P2RY14: variants seen among roughly 807,000 people sequenced by gnomAD.
The protein encoded by P2RY14 is P2Y purinoceptor 14.
P2RY14 carries 2 observed loss-of-function variants against 0.9 expected under a neutral mutation model. The ratio of observed to expected loss-of-function variants is 2.16; its 90% confidence interval spans 0.88 to 6.79. P2RY14 has a LOEUF of 6.79. P2RY14 is among the 30% of genes most tolerant of loss of function. The pLI is 0.05. For missense variants in P2RY14, 378 were observed against 400.1 expected (o/e 0.94, Z 0.47); for synonymous variants, 158 against 147.2 (o/e 1.07, Z -0.53).
chr3:151,221,233 A>T (rs943933723), intron 1 of P2RY14, among the ~76,000 whole-genome samples: 1 of 152,184 alleles, frequency 6.6e-6, no homozygotes, highest in Non-Finnish European at 1.5e-5. Context: ...GTGCTGTTAA[A>T]AGCATTCAGT....
At chr3:151,246,738 A>G (rs1241287072) in intron 1 of P2RY14, among the ~76,000 whole-genome samples, 1 of 152,252 alleles carries the variant, frequency 6.6e-6, no homozygotes, top group Non-Finnish European at 1.5e-5. Context: ...AAACACCAAA[A>G]GCAATGGCCA....
chr3:151,226,969 C>T (rs749461376), intron 1 of P2RY14, among the ~76,000 whole-genome samples: 74 of 152,318 alleles, frequency 4.9e-4, no homozygotes, highest in Admixed American at 7.8e-4. Context: ...GGATGCCACA[C>T]GCAGATCCCC....
At chr3:151,243,475 G>A (rs1394398421) in intron 1 of P2RY14, among the ~76,000 whole-genome samples, 3 of 152,146 alleles carry the variant, frequency 2.0e-5, no homozygotes, top group Non-Finnish European at 2.9e-5. Flanking sequence ...CATTCTTAAA[G>A]ACAAGAATTT....
Position 151,213,362 on chromosome 3 carries a change from C to T in P2RY14, c.955G>A (p.Asp319Asn). The change falls in exon 3 of 3, where the codon GAC becomes AAC. Residue 319 changes from aspartate to asparagine, a missense_variant. By Grantham distance (23) the Asp-to-Asn change is conservative. Transcript: ENST00000309170. ...KLHIPLKAQN[D>N]LDISRIKRGN... is the part of the protein sequence containing the mutation. The stretch of plus-strand genomic sequence containing the variant: ...CTTTTGATTCTGGAAATGTCTAGGT[C>T]ATTCTGAGCTTTTAATGGAATGTGC... 6.2e-7 allele frequency: 1 copy of T among 1,613,774 alleles called. No individual in the cohort carries two copies. Among genetic ancestry groups the T allele is most frequent in the Non-Finnish European group, 8.5e-7 (1 of 1,179,894 alleles).
chr3:151,256,125 G>T (rs190227379), intron 1 of P2RY14, among the ~76,000 whole-genome samples: 98 of 152,314 alleles, frequency 6.4e-4, no homozygotes, highest in Middle Eastern at 3.4e-3. Context: ...GTTATGGAAA[G>T]AGCCAAATTT....
chr3:151,233,125 C>A (rs547237414), intron 1 of P2RY14, among the ~76,000 whole-genome samples: 1 of 152,184 alleles, frequency 6.6e-6, no homozygotes, highest in African/African-American at 2.4e-5. Flanking sequence ...CTTTCCCCTC[C>A]TCCCCTGAAC....
intron 1 of P2RY14, among the ~76,000 whole-genome samples, chr3:151,248,018 A>G (rs1267606412): frequency 1.6e-5 from 2 of 126,302 alleles, no homozygotes; most frequent in South Asian, 2.5e-4. Flanking sequence ...GATTCTAAGC[A>G]TGTATATTAA....
chr3:151,236,186 T>C (rs1293948968), intron 1 of P2RY14, among the ~76,000 whole-genome samples: 1 of 152,238 alleles, frequency 6.6e-6, no homozygotes, highest in Non-Finnish European at 1.5e-5. Context: ...TGAATATTTA[T>C]GGAATTTCAG....
rs192518427 is a variant in P2RY14, at chr3:151,271,367, G to A, written c.-133+6920C>T. Among the ~76,000 whole-genome samples, 277 of 152,286 alleles carry A rather than the reference G, an allele frequency of 1.8e-3. 1 individual carries two copies. Among genetic ancestry groups the A allele is most frequent in the African/African-American group, 6.4e-3 (268 of 41,576 alleles). ...AAACTTGACAATGTTAAGAATTGAC[G>A]AGGAAATAGAATAATTGATACTTTG... is the stretch of plus-strand genomic sequence containing the variant. On this transcript the variant is annotated intron_variant, in intron 1 of 2. Coordinates refer to ENST00000309170, the MANE Select transcript of P2RY14 (RefSeq NM_014879.4).
rs146550613 is a variant in P2RY14, at chr3:151,217,066, C to A, written c.-25+2469G>T. ...TCACTTGAGTTTAAAATATAAAAAACTGTAGCTGTTATTTTGGAAAACAGA... is the reference window on the plus strand; with the variant it reads ...TCACTTGAGTTTAAAATATAAAAAAATGTAGCTGTTATTTTGGAAAACAGA... On this transcript the variant is annotated intron_variant, in intron 2 of 2. Transcript: ENST00000309170. Among the ~76,000 whole-genome samples, 7 of 152,234 alleles carry A rather than the reference C, an allele frequency of 4.6e-5. No homozygotes were observed. The East Asian group carries it at 1.4e-3, about 29-fold the overall frequency.
intron 1 of P2RY14, among the ~76,000 whole-genome samples, chr3:151,257,630 G>A (rs149220751): frequency 3.9e-5 from 6 of 152,310 alleles, no homozygotes; most frequent in African/African-American, 1.2e-4. Flanking sequence ...GTATTATTTC[G>A]TATATGGAGA....
At chr3:151,248,065 TTAC>T (rs1736083012) in intron 1 of P2RY14, among the ~76,000 whole-genome samples, 1 of 146,910 alleles carries the variant, frequency 6.8e-6, no homozygotes, top group Non-Finnish European at 1.5e-5. Flanking sequence ...TTTTTGGAAA[TTAC>T]TACATAATTT....
At chr3:151,221,743 C>T (rs1729408663) in intron 1 of P2RY14, among the ~76,000 whole-genome samples, 1 of 152,328 alleles carries the variant, frequency 6.6e-6, no homozygotes, top group Non-Finnish European at 1.5e-5. Flanking sequence ...AAGTTTGCTG[C>T]AGGGGCAGGG....
chr3:151,228,365 G>C (rs984805233), intron 1 of P2RY14, among the ~76,000 whole-genome samples: 1 of 152,190 alleles, frequency 6.6e-6, no homozygotes, highest in Non-Finnish European at 1.5e-5. Flanking sequence ...CAAATACCTG[G>C]TGTGAGGCAG....
intron 1 of P2RY14, among the ~76,000 whole-genome samples, chr3:151,231,814 C>T (rs1472838614): frequency 3.3e-5 from 5 of 151,910 alleles, no homozygotes; most frequent in African/African-American, 1.2e-4. Flanking sequence ...TGTGGTTAAG[C>T]GAGAGAGTAT....
chr3:151,234,000 A>G (rs6794143), intron 1 of P2RY14, among the ~76,000 whole-genome samples: 2,144 of 152,350 alleles, frequency 0.014, 42 homozygotes, highest in African/African-American at 0.048. Context: ...TAAAAAGTCT[A>G]TCACTTTGGA....
chr3:151,254,357 G>A (rs1737417507), intron 1 of P2RY14, among the ~76,000 whole-genome samples: 1 of 152,126 alleles, frequency 6.6e-6, no homozygotes, highest in South Asian at 2.1e-4. Flanking sequence ...TTATAGCAGA[G>A]GCTTAACATT....
chr3:151,239,624 AAAT>A (rs1217166343), intron 1 of P2RY14, among the ~76,000 whole-genome samples: 1 of 152,198 alleles, frequency 6.6e-6, no homozygotes, highest in Non-Finnish European at 1.5e-5. Context: ...TTAATTTCTA[AAAT>A]AATAAGTATG....
intron 1 of P2RY14, among the ~76,000 whole-genome samples, chr3:151,242,303 G>A (rs1054256757): frequency 6.6e-6 from 1 of 152,242 alleles, no homozygotes; most frequent in Non-Finnish European, 1.5e-5. Flanking sequence ...GCCTCTCTAG[G>A]CTCCACCTCT....
Sources: allele counts gnomAD v4.1 joint callset (sites outside exome capture counted in the v4.1 genomes callset), GRCh38; gene constraint gnomAD v4.1.1; transcripts MANE v1.5; gene names NCBI Gene and HGNC (gene_info 2026-07-23, HGNC 2026-07-21).